Variants in P2RX4 observed in about 807,000 individuals in gnomAD.
P2RX4 encodes purinergic receptor P2X 4, also known as P2X purinoceptor 4.
In P2RX4, 37 loss-of-function variants were observed where a neutral mutation model predicts 48.0. That is an observed-to-expected ratio of 0.77 (90% CI 0.59 to 1.01). P2RX4 has a LOEUF of 1.01. P2RX4 is among the 50% of genes least tolerant of loss of function. The pLI is 0.00. For synonymous variants in P2RX4, 200 were observed against 199.7 expected, an observed-to-expected ratio of 1.00 and a Z score of -0.01; for missense variants, 501 against 521.4, an observed-to-expected ratio of 0.96 and a Z score of 0.38.
intron 8 of P2RX4, among the ~76,000 whole-genome samples, chr12:121,230,898 G>GCTCT (rs914297550): frequency 2.0e-5 from 3 of 147,970 alleles, no homozygotes; most frequent in African/African-American, 7.5e-5. Context: ...TCGCGTGCTC[G>GCTCT]CTCTCTCTCT....
At position 121,230,911 on chromosome 12, in the gene P2RX4, CTCATA is replaced by C. The variant is rs1041366592; in HGVS notation, c.885-1501_885-1497del. 5.3e-3 allele frequency among the ~76,000 whole-genome samples: 801 copies of C among 150,744 alleles called. 8 individuals are homozygous for C. The highest frequency in any genetic ancestry group is 0.018 in the African/African-American group (754 of 41,016). ...TCTCGCGTGCTCGCTCTCTCTCTCT[CTCATA>C]TATGTATATGTATATATGTGTATAT... On this transcript the variant is annotated intron_variant, in intron 8 of 11. Transcript: ENST00000337233.
At chr12:121,231,728 T>G (rs1315184528) in intron 8 of P2RX4, among the ~76,000 whole-genome samples, 1 of 152,060 alleles carries the variant, frequency 6.6e-6, no homozygotes, top group African/African-American at 2.4e-5. Flanking sequence ...TTGTTGTTGT[T>G]GAAGACTGTG....
At chr12:121,218,296 G>A (rs2136221772) in intron 2 of P2RX4, among the ~76,000 whole-genome samples, 1 of 152,154 alleles carries the variant, frequency 6.6e-6, no homozygotes, top group South Asian at 2.1e-4. Context: ...GACCATCCTG[G>A]CTAACATGGT....
At chr12:121,231,449 C>T (rs1887354087) in intron 8 of P2RX4, among the ~76,000 whole-genome samples, 1 of 152,168 alleles carries the variant, frequency 6.6e-6, no homozygotes, top group Non-Finnish European at 1.5e-5. Flanking sequence ...AAACCCTGCA[C>T]CCTTCTGTCA....
At position 121,210,147 on chromosome 12, in the gene P2RX4, G is replaced by A; in HGVS notation, c.-18G>A. 6.6e-7 allele frequency: 1 copy of A among 1,518,076 alleles called. No individual in the cohort carries two copies. The highest frequency in any genetic ancestry group is 2.8e-5 in the East Asian group (1 of 35,718). 94.0% of individuals were successfully genotyped at this position (1,518,076 alleles called of 1,614,324 possible). On this transcript the variant is annotated 5_prime_UTR_variant, in exon 1 of 12. Coordinates refer to ENST00000337233, the MANE Select transcript of P2RX4 (RefSeq NM_002560.3). Reference sequence around the variant, plus strand: ...GGGACCCAGACCGACTAGGGGACTGGGAGCGGGCGGCGCGGCCATGGCGGG... The same window carrying A: ...GGGACCCAGACCGACTAGGGGACTGAGAGCGGGCGGCGCGGCCATGGCGGG...
intron 2 of P2RX4, among the ~76,000 whole-genome samples, chr12:121,219,504 G>A (rs1886439954): frequency 1.3e-5 from 2 of 152,092 alleles, no homozygotes; most frequent in Non-Finnish European, 2.9e-5. Flanking sequence ...GCCAAGGCAG[G>A]AGGATCACTT....
At chr12:121,211,015 G>A (rs1885800985) in intron 1 of P2RX4, among the ~76,000 whole-genome samples, 1 of 152,120 alleles carries the variant, frequency 6.6e-6, no homozygotes, top group Non-Finnish European at 1.5e-5. Flanking sequence ...TGTGGTAGTA[G>A]CGAGGTCAGA....
chr12:121,228,590 G>A lies in P2RX4; in HGVS notation c.582G>A (p.Trp194Ter). Residue 194 changes from tryptophan (W) to a stop codon, truncating the protein, a stop_gained, in exon 6 of 12, where the codon TGG (tryptophan) becomes TGA (stop). Coordinates refer to ENST00000337233, the MANE Select transcript of P2RX4 (RefSeq NM_002560.3). LOFTEE classifies it high-confidence loss of function. ...NFTLLVKNNI[W>*]YPKFNFSKRN... is the part of the protein sequence containing the mutation. ...CTCTTTTGGTTAAGAACAACATCTG[G>A]TATCCCAAATTTAATTTCAGCAAGT... The A allele has an allele frequency of 6.2e-7, 1 of 1,613,558 alleles. No individual in the cohort carries two copies. The highest frequency in any genetic ancestry group is 1.1e-5 in the South Asian group (1 of 90,994).
intron 3 of P2RX4, 42 bp from the exon 4 acceptor site, chr12:121,222,052 G>A (rs1455265116): frequency 6.2e-7 from 1 of 1,602,500 alleles, no homozygotes; most frequent in Admixed American, 1.7e-5. Flanking sequence ...TGTGTGTGGG[G>A]CCGGGCCACG....
Position 121,221,398 on chromosome 12 carries a change from A to AT in P2RX4, c.283-499dup, listed in dbSNP as rs112486751. Among the ~76,000 whole-genome samples, 380 of 123,414 alleles carry AT rather than the reference A, an allele frequency of 3.1e-3. 2 individuals carry two copies. The highest frequency in any genetic ancestry group is 0.02 in the South Asian group (80 of 4,040). 81.0% of individuals were successfully genotyped at this position (123,414 alleles called of 152,430 possible). The stretch of plus-strand genomic sequence containing the variant: ...GACAGACATTTGGGCTGTTTCCACC[A>AT]TTTTTTTTTTTTTTTTGAGACAGAG... On this transcript the variant is annotated intron_variant, in intron 2 of 11. Coordinates refer to ENST00000337233, the MANE Select transcript of P2RX4 (RefSeq NM_002560.3).
chr12:121,225,808 T>C (rs964864930), intron 5 of P2RX4, among the ~76,000 whole-genome samples: 2 of 152,210 alleles, frequency 1.3e-5, no homozygotes, highest in African/African-American at 4.8e-5. Flanking sequence ...TGTATAAAAT[T>C]TTACTTGTTT....
At chr12:121,222,376 G>T (rs11065488) in intron 4 of P2RX4, 42,539 of 510,966 alleles carry the variant, frequency 0.083, 1,364 homozygotes, top group South Asian at 0.11. Flanking sequence ...TTTTTTTTTT[G>T]TTGTTGTTGT....
rs2303998 is a variant in P2RX4, at chr12:121,217,260, G to A, written c.261G>A (p.Ala87=). ...SKLGFRIWDV[A]DYVIPAQEEN... ...TTGGATTCCGGATCTGGGATGTGGC[G>A]GATTATGTGATACCAGCTCAGGTGT... The change falls in exon 2 of 12, where the codon GCG becomes GCA. Residue 87 remains alanine (A), a synonymous_variant. Transcript: ENST00000337233. The A allele has an allele frequency of 0.017, 26,849 of 1,614,076 alleles. 299 individuals are homozygous for A. The highest frequency in any genetic ancestry group is 0.024 in the Middle Eastern group (145 of 6,062).
Position 121,228,728 on chromosome 12 carries a change from G to T in P2RX4, c.609G>T (p.Arg203Ser). The change falls in exon 7 of 12, where the codon AGG becomes AGT. Residue 203 changes from arginine (R) to serine (S), a missense_variant. Arg to Ser is a moderately radical substitution (Grantham distance 110). Around this residue, in one of 3 missense-constraint regions of P2RX4, gnomAD observed 295 missense variants for 275.3 expected, o/e 1.07. Transcript: ENST00000337233. ...IWYPKFNFSKRNILPNITTTY... is the reference protein window; with the variant it reads ...IWYPKFNFSKSNILPNITTTY... Reference sequence around the variant, plus strand: ...TTCTGCTTCCTCTCGACTTTAGGAGGAATATCCTTCCCAACATCACCACTA... The same window carrying T: ...TTCTGCTTCCTCTCGACTTTAGGAGTAATATCCTTCCCAACATCACCACTA... The T allele has an allele frequency of 6.2e-7, 1 of 1,613,998 alleles. No homozygotes were observed. The highest frequency in any genetic ancestry group is 8.5e-7 in the Non-Finnish European group (1 of 1,180,022).
At chr12:121,221,166 TTG>T (rs71079040) in intron 2 of P2RX4, among the ~76,000 whole-genome samples, 3,419 of 100,642 alleles carry the variant, frequency 0.034, 67 homozygotes, top group African/African-American at 0.048. Context: ...CTGTGTGTGT[TTG>T]TGTGTGTGTG....
chr12:121,224,750 C>T (rs1434337133), intron 5 of P2RX4, among the ~76,000 whole-genome samples: 4 of 151,968 alleles, frequency 2.6e-5, no homozygotes, highest in African/African-American at 7.2e-5. Context: ...CTGAGAAGTG[C>T]GTGCAGCCTA....
intron 5 of P2RX4, among the ~76,000 whole-genome samples, chr12:121,225,562 C>G (rs1886930361): frequency 6.6e-6 from 1 of 152,052 alleles, no homozygotes; most frequent in South Asian, 2.1e-4. Flanking sequence ...AGGCGCCCAC[C>G]ACCACACCCA....
At chr12:121,227,625 C>G (rs1008705083) in intron 5 of P2RX4, among the ~76,000 whole-genome samples, 1 of 152,138 alleles carries the variant, frequency 6.6e-6, no homozygotes, top group Non-Finnish European at 1.5e-5. Context: ...GTTTTCACCG[C>G]CTTGGGGGAG....
At chr12:121,221,166 TTGTG>T (rs71079040) in intron 2 of P2RX4, among the ~76,000 whole-genome samples, 10,690 of 100,816 alleles carry the variant, frequency 0.11, 454 homozygotes, top group Middle Eastern at 0.16. Context: ...CTGTGTGTGT[TTGTG>T]TGTGTGTGTG....
Sources: allele counts gnomAD v4.1 joint callset (sites outside exome capture counted in the v4.1 genomes callset), GRCh38; gene constraint gnomAD v4.1.1; regional missense constraint gnomAD v4.1.1; transcripts MANE v1.5; gene names NCBI Gene and HGNC (gene_info 2026-07-23, HGNC 2026-07-21).